The following YWHAE variants were observed in gnomAD, a reference collection of about 807,000 sequenced individuals.
YWHAE encodes tyrosine 3-monooxygenase/tryptophan 5-monooxygenase activation protein epsilon, also known as 14-3-3 protein epsilon.
A neutral mutation model predicts 30.1 loss-of-function variants in YWHAE; 4 were observed. The observed-to-expected ratio is 0.13, with a 90% CI of 0.07 to 0.30. The LOEUF (loss-of-function observed/expected upper bound fraction) is 0.30. Among genes scored for constraint, YWHAE ranks in the 10% least tolerant of loss-of-function variants. The pLI, the probability that YWHAE is intolerant of heterozygous loss-of-function variation, is 1.00. For missense variants in YWHAE, 121 were observed against 315.9 expected, an observed-to-expected ratio of 0.38 and a Z score of 4.68; for synonymous variants, 118 against 111.8, an observed-to-expected ratio of 1.06 and a Z score of -0.35.
At chr17:1,374,994 G>A (rs185588926) in intron 1 of YWHAE, among the ~76,000 whole-genome samples, 96 of 152,160 alleles carry the variant, frequency 6.3e-4, no homozygotes, top group Middle Eastern at 3.4e-3. Context: ...TGATCACAGC[G>A]CACTATGTAG....
At chr17:1,381,910 CAAAAA>C (rs397754278) in intron 1 of YWHAE, among the ~76,000 whole-genome samples, 2 of 43,928 alleles carry the variant, frequency 4.6e-5, no homozygotes, top group Non-Finnish European at 9.9e-5. Context: ...GACACTATGT[CAAAAA>C]AAAAAAAAAA....
Position 1,354,215 on chromosome 17 carries a change from A to G in YWHAE, c.711T>C (p.Gly237=). ...NLTLWTSDMQ[G]DGEEQNKEAL... ...TTTCACTCCGTGCTTGCTTACCGTC[A>G]CCCTGCATGTCTGAAGTCCATAGTG... is the stretch of plus-strand genomic sequence containing the variant. The change falls in exon 5 of 6, where the codon GGT becomes GGC. Residue 237 remains glycine, a synonymous_variant. Transcript: ENST00000264335. 6.2e-7 allele frequency: 1 copy of G among 1,613,060 alleles called. No individual in the cohort carries two copies. Among genetic ancestry groups the G allele is most frequent in the East Asian group, 2.2e-5 (1 of 44,852 alleles).
intron 4 of YWHAE, among the ~76,000 whole-genome samples, chr17:1,354,645 T>C (rs866120312): frequency 6.6e-6 from 1 of 152,150 alleles, no homozygotes; most frequent in South Asian, 2.1e-4. Flanking sequence ...TAGGCAATAG[T>C]TCACTTATTT....
At chr17:1,347,733 C>T (rs1454483979) in intron 5 of YWHAE, among the ~76,000 whole-genome samples, 1 of 152,160 alleles carries the variant, frequency 6.6e-6, no homozygotes, top group Non-Finnish European at 1.5e-5. Context: ...TTGTAAGCAA[C>T]CATGAGATGT....
intron 4 of YWHAE, among the ~76,000 whole-genome samples, chr17:1,359,812 T>TTGTGTG (rs59650315): frequency 0.035 from 4,593 of 130,634 alleles, 151 homozygotes; most frequent in African/African-American, 0.075. Flanking sequence ...CACTAAATTG[T>TTGTGTG]TGTGTGTGTG....
At chr17:1,347,321 G>C (rs2072540603) in intron 5 of YWHAE, among the ~76,000 whole-genome samples, 1 of 149,208 alleles carries the variant, frequency 6.7e-6, no homozygotes, top group South Asian at 2.1e-4. Flanking sequence ...CGACAATCGA[G>C]ACTCCGTCTC....
At chr17:1,362,557 G>GT (rs776703092) in intron 2 of YWHAE, among the ~76,000 whole-genome samples, 27 of 151,948 alleles carry the variant, frequency 1.8e-4, no homozygotes, top group Non-Finnish European at 2.6e-4. Flanking sequence ...GCAGAGATCC[G>GT]TAACTATTAA....
chr17:1,383,872 G>T (rs986557472), intron 1 of YWHAE, among the ~76,000 whole-genome samples: 1 of 151,940 alleles, frequency 6.6e-6, no homozygotes, highest in Non-Finnish European at 1.5e-5. Flanking sequence ...ACCGGCCTGG[G>T]CAATATGGCA....
chr17:1,371,111 G>A (rs986244044), intron 1 of YWHAE, among the ~76,000 whole-genome samples: 1 of 151,966 alleles, frequency 6.6e-6, no homozygotes, highest in Admixed American at 6.6e-5. Context: ...TTGAAACAGA[G>A]TCACACTCTG....
intron 4 of YWHAE, among the ~76,000 whole-genome samples, chr17:1,358,809 A>T (rs1357540125): frequency 7.3e-6 from 1 of 137,142 alleles, no homozygotes; most frequent in East Asian, 2.2e-4. Context: ...CAGCCTGGCC[A>T]GCAGAGCGAG....
intron 1 of YWHAE, among the ~76,000 whole-genome samples, chr17:1,395,485 C>T (rs542549237): frequency 4.6e-5 from 7 of 152,218 alleles, no homozygotes; most frequent in East Asian, 1.9e-4. Context: ...GCCAAGACCA[C>T]GCCATTGCAC....
rs571123108 is a variant in YWHAE at position 1,390,126 on chromosome 17, G to C, written c.64+9921C>G. ...CCCAAAGTGCTGGGATTACAGGTGT[G>C]AGCCACTGCACCCAGCCTACATTTT... On this transcript the variant is annotated intron_variant, in intron 1 of 5. Coordinates refer to ENST00000264335, the MANE Select transcript of YWHAE (RefSeq NM_006761.5). Among the ~76,000 whole-genome samples the C allele has an allele frequency of 3.9e-5, 6 of 152,306 alleles. No homozygotes were observed. In the East Asian group the frequency reaches 1.2e-3, roughly 29 times the overall value.
At chr17:1,385,323 C>G (rs570548761) in intron 1 of YWHAE, among the ~76,000 whole-genome samples, 1 of 152,220 alleles carries the variant, frequency 6.6e-6, no homozygotes, top group East Asian at 1.9e-4. Flanking sequence ...AGCAACTGGT[C>G]TAGAGGAAAA....
Position 1,365,006 on chromosome 17 carries a change from A to T in YWHAE, c.117T>A (p.Val39=). 1.2e-6 allele frequency: 2 copies of T among 1,614,018 alleles called. No individual in the cohort carries two copies. Among genetic ancestry groups the T allele is most frequent in the Non-Finnish European group, 1.7e-6 (2 of 1,179,998 alleles). Residue 39 remains valine (V), a synonymous_variant, in exon 2 of 6, where the codon GTT becomes GTA. Transcript: ENST00000264335. ...KVAGMDVELT[V]EERNLLSVAY... ...CAACAGATAGGAGGTTTCTTTCTTC[A>T]ACTGTCAGCTCCACATCCATCCCTG...
chr17:1,354,978 T>TTTTG, intron 4 of YWHAE, among the ~76,000 whole-genome samples: 2 of 74,638 alleles, frequency 2.7e-5, no homozygotes, highest in South Asian at 6.9e-4. Context: ...TTTTTTTTTT[T>TTTTG]TTTTTTTTTT....
At chr17:1,357,357 C>G (rs552335086) in intron 4 of YWHAE, among the ~76,000 whole-genome samples, 1 of 140,522 alleles carries the variant, frequency 7.1e-6, no homozygotes, top group Admixed American at 7.7e-5. Flanking sequence ...GAGCCGAGAT[C>G]GCGCTACTGC....
At chr17:1,364,545 A>G (rs916476441) in intron 2 of YWHAE, among the ~76,000 whole-genome samples, 10 of 152,020 alleles carry the variant, frequency 6.6e-5, no homozygotes, top group Non-Finnish European at 1.5e-4. Flanking sequence ...TATTTTTTTA[A>G]AAAACAGTCA....
intron 1 of YWHAE, among the ~76,000 whole-genome samples, chr17:1,369,497 AAAAT>A (rs960621430): frequency 4.6e-5 from 7 of 152,222 alleles, no homozygotes; most frequent in African/African-American, 1.7e-4. Flanking sequence ...CCGTCTCCAA[AAAAT>A]AAATAAACTG....
chr17:1,344,407 A>G lies in YWHAE; in HGVS notation c.*1040T>C, dbSNP rs182883819. Reference sequence around the variant, plus strand: ...CAGGCAATTTTTTTCCAAAACATACATCTTTGGGAAGCAAACAAATTATTT... The same window carrying G: ...CAGGCAATTTTTTTCCAAAACATACGTCTTTGGGAAGCAAACAAATTATTT... On this transcript the variant is annotated 3_prime_UTR_variant, in exon 6 of 6. Coordinates refer to ENST00000264335, the MANE Select transcript of YWHAE (RefSeq NM_006761.5). The G allele has an allele frequency of 1.1e-5, 2 of 177,308 alleles. No homozygotes were observed. The highest frequency in any genetic ancestry group is 1.9e-4 in the East Asian group (2 of 10,502). The allele number at this position is 177,308 out of a possible 1,614,324, so 11.0% of individuals were successfully genotyped here.
Sources: allele counts gnomAD v4.1 joint callset (sites outside exome capture counted in the v4.1 genomes callset), GRCh38; gene constraint gnomAD v4.1.1; transcripts MANE v1.5; gene names NCBI Gene and HGNC (gene_info 2026-07-23, HGNC 2026-07-21).